Variants in CCDC15 observed in about 807,000 individuals in gnomAD.
CCDC15 encodes the protein coiled-coil domain-containing protein 15.
Under a neutral mutation model 114.5 loss-of-function variants are expected in CCDC15, and 105 were observed. The observed-to-expected ratio is 0.92, with a 90% CI of 0.78 to 1.08. The LOEUF (loss-of-function observed/expected upper bound fraction) is 1.08, where lower values mean the gene tolerates loss of function less well. CCDC15 is among the 50% of genes least tolerant of loss of function. The pLI is 0.00. For missense variants in CCDC15, 1,105 were observed against 1,093.6 expected, an observed-to-expected ratio of 1.01 and a Z score of -0.15; for synonymous variants, 334 against 377.8, an observed-to-expected ratio of 0.88 and a Z score of 1.34.
chr11:124,977,474 C>A lies in CCDC15; in HGVS notation c.631-4C>A. 1 of 1,572,592 alleles carries A rather than the reference C, an allele frequency of 6.4e-7. No homozygotes were observed. Among genetic ancestry groups the A allele is most frequent in the Non-Finnish European group, 8.6e-7 (1 of 1,161,328 alleles). On this transcript the variant is annotated splice_region_variant and splice_polypyrimidine_tract_variant and intron_variant, in intron 5 of 15. Coordinates refer to ENST00000344762, the MANE Select transcript of CCDC15 (RefSeq NM_025004.3). ...ATTTATATTTGTAGTAATTTTTTTT[C>A]CAGGAAGTGCTTTCCAGGAAACCAG...
At chr11:124,959,511 A>G (rs1408688906) in intron 3 of CCDC15, among the ~76,000 whole-genome samples, 1 of 152,178 alleles carries the variant, frequency 6.6e-6, no homozygotes, top group Admixed American at 6.6e-5. Context: ...TTGAGTTTGA[A>G]TTTTGGCTTT....
intron 4 of CCDC15, among the ~76,000 whole-genome samples, chr11:124,965,262 A>C (rs1286318321): frequency 6.6e-6 from 1 of 152,104 alleles, no homozygotes; most frequent in African/African-American, 2.4e-5. Context: ...CTGTGAATCC[A>C]TCTGGTCTTG....
intron 13 of CCDC15, among the ~76,000 whole-genome samples, chr11:125,016,779 T>C (rs757737637): frequency 2.0e-5 from 3 of 152,198 alleles, no homozygotes; most frequent in Non-Finnish European, 4.4e-5. Context: ...TCTCATGACA[T>C]GCCTACCACA....
intron 10 of CCDC15, 40 bp from the exon 11 acceptor site, chr11:124,993,128 TC>T (rs1376920465): frequency 7.8e-7 from 1 of 1,289,850 alleles, no homozygotes; most frequent in Non-Finnish European, 1.1e-6. Flanking sequence ...GCCCGTCATT[TC>T]TGCTTAGACA....
At position 124,977,577 on chromosome 11, in the gene CCDC15, T is replaced by C; in HGVS notation, c.730T>C (p.Tyr244His). 3.1e-6 allele frequency: 5 copies of C among 1,606,634 alleles called. No individual in the cohort carries two copies. The highest frequency in any genetic ancestry group is 1.7e-4 in the Middle Eastern group (1 of 6,034). The change falls in exon 6 of 16, where the codon TAC becomes CAC. Residue 244 changes from tyrosine (Y) to histidine (H), a missense_variant. Transcript: ENST00000344762. Reference sequence around the variant, plus strand: ...TCAAGGTCTTTTAGCTGCTGTACCTTACCAGAATTATATGGAAAATCAGGT... The same window carrying C: ...TCAAGGTCTTTTAGCTGCTGTACCTCACCAGAATTATATGGAAAATCAGGT... ...VHQGLLAAVP[Y>H]QNYMENQELD...
intron 13 of CCDC15, among the ~76,000 whole-genome samples, chr11:125,022,739 T>C (rs1416307959): frequency 2.6e-5 from 4 of 151,994 alleles, no homozygotes; most frequent in Non-Finnish European, 4.4e-5. Flanking sequence ...TGAAGAAGTA[T>C]GAGTATGAAC....
intron 8 of CCDC15, 51 bp downstream of exon 8, chr11:124,988,185 GT>G: frequency 6.5e-7 from 1 of 1,539,938 alleles, no homozygotes; most frequent in South Asian, 1.3e-5. Flanking sequence ...GCTACTTAGG[GT>G]TTGAGGAGGG....
intron 11 of CCDC15, among the ~76,000 whole-genome samples, 160 bp downstream of exon 11, chr11:124,993,403 C>T (rs933575814): frequency 6.6e-6 from 1 of 152,076 alleles, no homozygotes; most frequent in Non-Finnish European, 1.5e-5. Context: ...TAATAACGGG[C>T]AAAGAATATA....
intron 13 of CCDC15, among the ~76,000 whole-genome samples, chr11:125,025,075 A>AAT (rs1349055565): frequency 0.031 from 1,723 of 55,918 alleles, 71 homozygotes; most frequent in East Asian, 0.18. Context: ...TGAATATATG[A>AAT]ATATATATGA....
intron 13 of CCDC15, among the ~76,000 whole-genome samples, chr11:125,033,998 G>A (rs1380808768): frequency 3.3e-5 from 5 of 152,194 alleles, no homozygotes; most frequent in Admixed American, 6.5e-5. Flanking sequence ...CTAGGAGCCT[G>A]CTAGGACTTT....
At chr11:124,985,314 G>C (rs748149916) in intron 6 of CCDC15, among the ~76,000 whole-genome samples, 1 of 152,142 alleles carries the variant, frequency 6.6e-6, no homozygotes, top group Non-Finnish European at 1.5e-5. Context: ...TTGTGTATGA[G>C]CAGTTGTGTA....
At chr11:124,958,367 AT>A (rs150378521) in intron 2 of CCDC15, among the ~76,000 whole-genome samples, 111 of 148,684 alleles carry the variant, frequency 7.5e-4, no homozygotes, top group South Asian at 5.1e-3. Flanking sequence ...TTTTTTTGTG[AT>A]TTTTTTTTTT....
rs1256171870 is a variant in CCDC15 at position 125,040,647 on chromosome 11, C to A, written c.2792C>A (p.Ser931Ter). ...INSCDVPGGN[S>*]TLRVAIHNFA... ...TCCTGTGATGTCCCTGGGGGTAATT[C>A]AACTCTTCGAGTCGCAATTCATAAT... Residue 931 changes from serine (S) to a stop codon, truncating the protein, a stop_gained, in exon 16 of 16, where the codon TCA (serine) becomes TAA (stop). Coordinates refer to ENST00000344762, the MANE Select transcript of CCDC15 (RefSeq NM_025004.3). LOFTEE classifies it high-confidence loss of function. The A allele has an allele frequency of 1.2e-6, 2 of 1,611,620 alleles. No homozygotes were observed. Among genetic ancestry groups the A allele is most frequent in the East Asian group, 4.5e-5 (2 of 44,844 alleles).
chr11:125,010,473 G>A (rs1449122558), intron 13 of CCDC15, among the ~76,000 whole-genome samples: 2 of 150,640 alleles, frequency 1.3e-5, no homozygotes, highest in African/African-American at 2.5e-5. Flanking sequence ...AGTGATTCTC[G>A]TGCCTATCTC....
intron 11 of CCDC15, among the ~76,000 whole-genome samples, chr11:124,993,830 A>G (rs1320064102): frequency 2.6e-5 from 4 of 152,254 alleles, no homozygotes; most frequent in African/African-American, 9.6e-5. Context: ...TATGAATAAC[A>G]GCTTACATTC....
chr11:124,965,783 T>C (rs1947767066), intron 4 of CCDC15, among the ~76,000 whole-genome samples: 1 of 152,244 alleles, frequency 6.6e-6, no homozygotes, highest in African/African-American at 2.4e-5. Flanking sequence ...CATTTAGTGC[T>C]ATAAATTTCC....
intron 4 of CCDC15, among the ~76,000 whole-genome samples, chr11:124,973,726 A>G (rs1352656363): frequency 1.3e-5 from 2 of 151,836 alleles, no homozygotes; most frequent in Non-Finnish European, 2.9e-5. Context: ...AGGCTCAAGC[A>G]ATCCTTCCAC....
At chr11:124,980,085 T>A (rs1948043038) in intron 6 of CCDC15, among the ~76,000 whole-genome samples, 1 of 152,210 alleles carries the variant, frequency 6.6e-6, no homozygotes, top group Non-Finnish European at 1.5e-5. Flanking sequence ...AATTAATGAT[T>A]TGTGTATGTT....
chr11:124,997,694 C>T (rs1251743653), intron 11 of CCDC15, among the ~76,000 whole-genome samples: 1 of 152,200 alleles, frequency 6.6e-6, no homozygotes, highest in Non-Finnish European at 1.5e-5. Context: ...ATAATCCCAG[C>T]ACTTTGGGAG....
Sources: allele counts gnomAD v4.1 joint callset (sites outside exome capture counted in the v4.1 genomes callset), GRCh38; gene constraint gnomAD v4.1.1; transcripts MANE v1.5; gene names NCBI Gene and HGNC (gene_info 2026-07-23, HGNC 2026-07-21).